Variants in PTPRM observed in about 807,000 individuals in gnomAD.
The protein encoded by PTPRM is protein tyrosine phosphatase receptor type M.
PTPRM carries 47 observed loss-of-function variants against 186.7 expected under a neutral mutation model. The ratio of observed to expected loss-of-function variants is 0.25; its 90% CI spans 0.20 to 0.32. The LOEUF is 0.32. Among genes scored for constraint, PTPRM ranks in the 10% least tolerant of loss-of-function variants. The probability of loss-of-function intolerance (pLI) is 1.00; values close to 1 mark genes in which losing one functional copy is unlikely to be tolerated. For synonymous variants in PTPRM, 668 were observed against 674.9 expected (o/e 0.99, Z 0.16); for missense variants, 1,494 against 1,865.0 (o/e 0.80, Z 3.66).
At chr18:7,824,831 G>C (rs2045398474) in intron 2 of PTPRM, among the ~76,000 whole-genome samples, 1 of 152,182 alleles carries the variant, frequency 6.6e-6, no homozygotes, top group Admixed American at 6.5e-5. Context: ...GGATGTCAGT[G>C]CATGAACTCT....
chr18:7,686,628 G>A (rs141310697), intron 1 of PTPRM, among the ~76,000 whole-genome samples: 7 of 150,784 alleles, frequency 4.6e-5, no homozygotes, highest in African/African-American at 1.7e-4. Context: ...CTGTTATCCT[G>A]GAGTCATGTT....
At chr18:8,397,362 T>C (rs1331971291) in intron 32 of PTPRM, among the ~76,000 whole-genome samples, 2 of 152,222 alleles carry the variant, frequency 1.3e-5, no homozygotes, top group Non-Finnish European at 2.9e-5. Flanking sequence ...AAATTGCTTC[T>C]GAGTGGGAAG....
intron 2 of PTPRM, among the ~76,000 whole-genome samples, chr18:7,885,985 T>C (rs536189414): frequency 3.3e-5 from 5 of 152,334 alleles, no homozygotes; most frequent in African/African-American, 1.2e-4. Context: ...CTGTGTATAT[T>C]GCCGTGCTTT....
intron 14 of PTPRM, among the ~76,000 whole-genome samples, chr18:8,180,598 G>A (rs8094968): frequency 0.14 from 21,123 of 152,092 alleles, 1,553 homozygotes; most frequent in Non-Finnish European, 0.15. Context: ...GTTCGAATGC[G>A]CAGTGGCCTG....
intron 3 of PTPRM, among the ~76,000 whole-genome samples, chr18:7,894,636 A>C (rs1047751032): frequency 1.3e-5 from 2 of 151,720 alleles, no homozygotes; most frequent in Admixed American, 1.3e-4. Flanking sequence ...TTCCAGTATT[A>C]TGTGTGCATG....
intron 7 of PTPRM, among the ~76,000 whole-genome samples, chr18:8,041,468 G>A (rs200502023): frequency 2.1e-4 from 31 of 149,260 alleles, no homozygotes; most frequent in Non-Finnish European, 1.6e-4. Context: ...GTGACCAAAA[G>A]AAAAAAAAAA....
At chr18:7,945,772 A>G (rs560833721) in intron 5 of PTPRM, among the ~76,000 whole-genome samples, 35 of 152,216 alleles carry the variant, frequency 2.3e-4, no homozygotes, top group Middle Eastern at 3.4e-3. Flanking sequence ...GCTCTCTTAT[A>G]TGATATAGTG....
rs374763211 is a variant in PTPRM at position 7,779,941 on chromosome 18, T to TA, written c.196+5671dup. Among the ~76,000 whole-genome samples, 599 of 152,292 alleles carry TA rather than the reference T, an allele frequency of 3.9e-3. 7 individuals are homozygous for TA. The highest frequency in any genetic ancestry group is 0.014 in the African/African-American group (587 of 41,556). ...TGATAAGATCGTTCCTGGATGGGCT[T>TA]ACGATTATATGCTAGAAAACCACAT... is the stretch of plus-strand genomic sequence containing the variant. On this transcript the variant is annotated intron_variant, in intron 2 of 32. Transcript: ENST00000580170.
intron 2 of PTPRM, among the ~76,000 whole-genome samples, chr18:7,798,115 T>C (rs995719987): frequency 6.6e-6 from 1 of 152,192 alleles, no homozygotes; most frequent in Admixed American, 6.5e-5. Flanking sequence ...GCTTGTGATA[T>C]GCTATCTGTG....
chr18:8,012,210 A>G (rs8084791), intron 7 of PTPRM, among the ~76,000 whole-genome samples: 12,371 of 152,296 alleles, frequency 0.081, 583 homozygotes, highest in Middle Eastern at 0.28. Context: ...TTAGATACAT[A>G]ATTTCCTTTA....
At chr18:7,944,912 AT>A (rs2146995285) in intron 5 of PTPRM, among the ~76,000 whole-genome samples, 1 of 152,310 alleles carries the variant, frequency 6.6e-6, no homozygotes, top group East Asian at 1.9e-4. Context: ...TCCAAAACTC[AT>A]GTTGAAATAT....
chr18:8,172,192 T>G (rs1299574116), intron 14 of PTPRM, among the ~76,000 whole-genome samples: 1 of 151,830 alleles, frequency 6.6e-6, no homozygotes, highest in African/African-American at 2.4e-5. Context: ...GCCTCACAAT[T>G]ATGGCGGAAG....
rs773537003 is a variant in PTPRM at position 8,296,318 on chromosome 18, C to T, written c.2755-50C>T. On this transcript the variant is annotated intron_variant, in intron 19 of 32. Coordinates refer to ENST00000580170, the MANE Select transcript of PTPRM (RefSeq NM_001105244.2). Reference sequence around the variant, plus strand: ...AAGAACATCCTCCATCGTTAAGATCCCTCTGTTTACTGCGCCAAATTGTAA... The same window carrying T: ...AAGAACATCCTCCATCGTTAAGATCTCTCTGTTTACTGCGCCAAATTGTAA... The T allele has an allele frequency of 1.0e-5, 12 of 1,180,916 alleles. 1 individual carries two copies. In the South Asian group the frequency reaches 1.4e-4, roughly 13 times the overall value. The allele number at this position is 1,180,916 out of a possible 1,614,324, so 73.2% of individuals were successfully genotyped here. A position where few individuals can be genotyped will look rare whatever the true frequency, so the allele number is the denominator to read the frequency against.
At chr18:8,306,014 C>A (rs1568710199) in intron 20 of PTPRM, among the ~76,000 whole-genome samples, 1 of 152,014 alleles carries the variant, frequency 6.6e-6, no homozygotes, top group African/African-American at 2.4e-5. Context: ...TCTCCTGCCT[C>A]AGCCTCCCAA....
intron 14 of PTPRM, among the ~76,000 whole-genome samples, chr18:8,179,637 T>G (rs2093544733): frequency 6.6e-6 from 1 of 152,070 alleles, no homozygotes; most frequent in South Asian, 2.1e-4. Flanking sequence ...ACCCAGCTAA[T>G]TTTTGTAATT....
chr18:7,774,295 G>A (rs1598636497), intron 2 of PTPRM, 24 bp downstream of exon 2: 2 of 1,611,824 alleles, frequency 1.2e-6, no homozygotes, highest in Non-Finnish European at 1.7e-6. Flanking sequence ...TTTAAGTTTT[G>A]TTTTAAAGAG....
chr18:7,829,020 A>G (rs891989967), intron 2 of PTPRM, among the ~76,000 whole-genome samples: 14 of 152,170 alleles, frequency 9.2e-5, no homozygotes, highest in Non-Finnish European at 1.3e-4. Context: ...AATTCCCACA[A>G]TTTCAAAGAT....
intron 7 of PTPRM, among the ~76,000 whole-genome samples, chr18:8,023,853 C>G (rs1467725619): frequency 5.8e-5 from 8 of 137,750 alleles, no homozygotes; most frequent in African/African-American, 2.1e-4. Context: ...CACACACACA[C>G]ACACACACAC....
At chr18:8,055,354 T>C (rs2148304983) in intron 7 of PTPRM, among the ~76,000 whole-genome samples, 1 of 152,310 alleles carries the variant, frequency 6.6e-6, no homozygotes, top group Admixed American at 6.5e-5. Context: ...CTAGATAATT[T>C]CCTCTGATCC....
Sources: allele counts gnomAD v4.1 joint callset (sites outside exome capture counted in the v4.1 genomes callset), GRCh38; gene constraint gnomAD v4.1.1; transcripts MANE v1.5; gene names NCBI Gene and HGNC (gene_info 2026-07-23, HGNC 2026-07-21).